Variants in CCDC33 observed in about 807,000 individuals in gnomAD.
CCDC33 encodes coiled-coil domain containing 33, also known as coiled-coil domain-containing protein 33.
Under a neutral mutation model 91.9 loss-of-function variants are expected in CCDC33, and 94 were observed. The observed-to-expected ratio is 1.02, with a 90% confidence interval of 0.87 to 1.21. The LOEUF is 1.21. Among genes scored for constraint, CCDC33 ranks in the 50% most tolerant of loss-of-function variants. CCDC33 has a pLI of 0.00. For missense variants in CCDC33, 940 were observed against 935.5 expected, an observed-to-expected ratio of 1.00 and a Z score of -0.06; for synonymous variants, 396 against 374.5, an observed-to-expected ratio of 1.06 and a Z score of -0.66.
In CCDC33 at chr15:74,236,663, C is replaced by T; in HGVS notation, c.-57C>T. On this transcript the variant is annotated 5_prime_UTR_variant, in exon 1 of 19. Coordinates refer to ENST00000398814, the MANE Select transcript of CCDC33 (RefSeq NM_025055.5). ...ACTGATTCCTGATCACCCACTGATA[C>T]CAAGTACTCATCCCCAAGATTGTTA... 4 of 1,573,026 alleles carry T rather than the reference C, an allele frequency of 2.5e-6. No individual in the cohort carries two copies. The highest frequency in any genetic ancestry group is 3.5e-6 in the Non-Finnish European group (4 of 1,145,364).
At chr15:74,258,491 A>C (rs943699089) in intron 2 of CCDC33, among the ~76,000 whole-genome samples, 1 of 152,158 alleles carries the variant, frequency 6.6e-6, no homozygotes, top group African/African-American at 2.4e-5. Context: ...CAGGCAGGGC[A>C]GGTGGGGGAG....
At chr15:74,251,865 C>A (rs2075720621) in intron 2 of CCDC33, among the ~76,000 whole-genome samples, 1 of 152,236 alleles carries the variant, frequency 6.6e-6, no homozygotes, top group East Asian at 1.9e-4. Flanking sequence ...GAAATCCTGG[C>A]AAGAGGGGGG....
chr15:74,298,072 A>C (rs2059723165), intron 11 of CCDC33, among the ~76,000 whole-genome samples: 1 of 152,252 alleles, frequency 6.6e-6, no homozygotes, highest in African/African-American at 2.4e-5. Context: ...TGGGCATGGC[A>C]GGCAGTCCTT....
chr15:74,329,471 A>G (rs1237769820), intron 11 of CCDC33, among the ~76,000 whole-genome samples: 1 of 152,208 alleles, frequency 6.6e-6, no homozygotes, highest in African/African-American at 2.4e-5. Context: ...CGCAGGTCTG[A>G]TGAGAGGACT....
At chr15:74,311,060 C>CGCACGGGGCCTCTA (rs1555420107) in intron 11 of CCDC33, among the ~76,000 whole-genome samples, 5 of 152,018 alleles carry the variant, frequency 3.3e-5, no homozygotes, top group Admixed American at 2.0e-4. Context: ...CTGGACAGGG[C>CGCACGGGGCCTCTA]GCACGGGGCC....
intron 10 of CCDC33, among the ~76,000 whole-genome samples, chr15:74,293,138 T>C (rs2629731): frequency 0.053 from 8,062 of 152,166 alleles, 559 homozygotes; most frequent in African/African-American, 0.16. Context: ...AGGGAACTCC[T>C]TTGCAATTGT....
chr15:74,275,440 C>T (rs1360728192), intron 7 of CCDC33, among the ~76,000 whole-genome samples: 1 of 152,162 alleles, frequency 6.6e-6, no homozygotes, highest in Non-Finnish European at 1.5e-5. Context: ...ACATCTGGCT[C>T]CAAGTAACAG....
intron 7 of CCDC33, among the ~76,000 whole-genome samples, chr15:74,275,779 C>T (rs952786812): frequency 6.6e-6 from 1 of 152,160 alleles, no homozygotes; most frequent in Non-Finnish European, 1.5e-5. Flanking sequence ...AAGCAATTCT[C>T]CTGCCTCAGC....
intron 2 of CCDC33, among the ~76,000 whole-genome samples, chr15:74,246,421 C>T (rs953664612): frequency 3.3e-5 from 5 of 152,160 alleles, no homozygotes; most frequent in African/African-American, 1.2e-4. Flanking sequence ...AAACATGTAT[C>T]GGATAAGGAG....
chr15:74,289,024 G>C (rs2059533640), intron 10 of CCDC33, among the ~76,000 whole-genome samples: 1 of 152,170 alleles, frequency 6.6e-6, no homozygotes. Context: ...CCAGGTTTCT[G>C]ACAAACATGC....
At chr15:74,291,572 A>C (rs2059585217) in intron 10 of CCDC33, among the ~76,000 whole-genome samples, 1 of 152,190 alleles carries the variant, frequency 6.6e-6, no homozygotes, top group South Asian at 2.1e-4. Flanking sequence ...GGGCCAGCTA[A>C]TTGAATTAAG....
At chr15:74,294,997 C>T (rs1048291100) in intron 10 of CCDC33, among the ~76,000 whole-genome samples, 1 of 152,058 alleles carries the variant, frequency 6.6e-6, no homozygotes, top group African/African-American at 2.4e-5. Flanking sequence ...GACGAAGGCT[C>T]ATCAGAATAT....
intron 2 of CCDC33, among the ~76,000 whole-genome samples, chr15:74,261,517 T>C (rs988149668): frequency 5.3e-5 from 8 of 152,300 alleles, no homozygotes; most frequent in Admixed American, 5.2e-4. Flanking sequence ...TGGGGTACCA[T>C]TAGTGCGTCT....
At chr15:74,256,507 C>T (rs896290531) in intron 2 of CCDC33, among the ~76,000 whole-genome samples, 1 of 152,162 alleles carries the variant, frequency 6.6e-6, no homozygotes, top group Non-Finnish European at 1.5e-5. Context: ...GGTTGCTCAT[C>T]CAGGCCCACA....
chr15:74,286,064 G>A (rs1369075766), intron 10 of CCDC33, among the ~76,000 whole-genome samples: 1 of 152,138 alleles, frequency 6.6e-6, no homozygotes, highest in Non-Finnish European at 1.5e-5. Flanking sequence ...TGGCCAACAT[G>A]GTGAAACCCT....
At chr15:74,277,342 G>A (rs74329782) in intron 7 of CCDC33, among the ~76,000 whole-genome samples, 10 of 152,196 alleles carry the variant, frequency 6.6e-5, no homozygotes, top group Non-Finnish European at 1.2e-4. Flanking sequence ...TCCAGATGGC[G>A]GCCACTATGC....
At chr15:74,297,766 G>A (rs995738963) in intron 11 of CCDC33, among the ~76,000 whole-genome samples, 1 of 152,162 alleles carries the variant, frequency 6.6e-6, no homozygotes, top group African/African-American at 2.4e-5. Flanking sequence ...ATGGGGAAAG[G>A]CACATGGGAA....
upstream of CCDC33, among the ~76,000 whole-genome samples, chr15:74,233,180 C>CTG (rs1313170252): frequency 6.6e-6 from 1 of 152,204 alleles, no homozygotes; most frequent in Admixed American, 6.5e-5. Context: ...GCAACACCTC[C>CTG]TGTGTGTGTG....
chr15:74,287,437 C>G (rs2059496489), intron 10 of CCDC33, among the ~76,000 whole-genome samples: 1 of 152,222 alleles, frequency 6.6e-6, no homozygotes, highest in South Asian at 2.1e-4. Context: ...AGATCCACCC[C>G]TTACCCACAG....
Sources: allele counts gnomAD v4.1 joint callset (sites outside exome capture counted in the v4.1 genomes callset), GRCh38; gene constraint gnomAD v4.1.1; transcripts MANE v1.5; gene names NCBI Gene and HGNC (gene_info 2026-07-23, HGNC 2026-07-21).